ATP2B1: variants seen among roughly 807,000 people sequenced by gnomAD.
ATP2B1 encodes the protein ATPase plasma membrane Ca2+ transporting 1, also known as plasma membrane calcium-transporting ATPase 1.
A neutral mutation model predicts 124.2 loss-of-function variants in ATP2B1; 14 were observed. That is an observed-to-expected ratio of 0.11 (90% CI 0.07 to 0.18). The LOEUF (loss-of-function observed/expected upper bound fraction) is 0.18. Among genes scored for constraint, ATP2B1 ranks in the 10% least tolerant of loss-of-function variants. The pLI, the probability that ATP2B1 is intolerant of heterozygous loss-of-function variation, is 1.00. For synonymous variants in ATP2B1, 449 were observed against 492.4 expected (o/e 0.91, Z 1.17); for missense variants, 763 against 1,466.1 (o/e 0.52, Z 7.83).
chr12:89,630,757 ATAT>A, intron 5 of ATP2B1, 112 bp from the exon 6 acceptor site: 1 of 261,644 alleles, frequency 3.8e-6, no homozygotes, highest in Non-Finnish European at 6.8e-6. Context: ...TTAGGAAAAA[ATAT>A]ATATAAATAT....
chr12:89,708,398 A>G (rs894644814), intron 1 of ATP2B1, among the ~76,000 whole-genome samples, 198 bp downstream of exon 1: 1 of 152,068 alleles, frequency 6.6e-6, no homozygotes, highest in Non-Finnish European at 1.5e-5. Context: ...GCTCACCTTC[A>G]CAATCTCCCG....
intron 1 of ATP2B1, among the ~76,000 whole-genome samples, chr12:89,685,748 T>G (rs1889892518): frequency 6.6e-6 from 1 of 152,130 alleles, no homozygotes; most frequent in South Asian, 2.1e-4. Context: ...TGTTAAAGCC[T>G]TAAATTCCAA....
intron 15 of ATP2B1, among the ~76,000 whole-genome samples, chr12:89,605,496 T>C (rs1368964623): frequency 6.6e-6 from 1 of 152,146 alleles, no homozygotes; most frequent in Non-Finnish European, 1.5e-5. Flanking sequence ...TCCCATGACA[T>C]GACACAGCAT....
intron 1 of ATP2B1, among the ~76,000 whole-genome samples, chr12:89,662,924 T>C (rs1282975447): frequency 2.6e-5 from 4 of 152,114 alleles, no homozygotes; most frequent in Non-Finnish European, 5.9e-5. Flanking sequence ...TAGATTAGAA[T>C]AAGGAAGGCA....
intron 1 of ATP2B1, among the ~76,000 whole-genome samples, chr12:89,679,611 T>G (rs576029144): frequency 6.6e-6 from 1 of 152,236 alleles, no homozygotes; most frequent in East Asian, 1.9e-4. Context: ...AAACTTCAAA[T>G]TACCTGTAAG....
intron 12 of ATP2B1, among the ~76,000 whole-genome samples, chr12:89,612,929 A>G (rs552722882): frequency 2.0e-5 from 3 of 152,314 alleles, no homozygotes; most frequent in East Asian, 3.9e-4. Context: ...GCTGAATTAA[A>G]TATCTTTGGG....
chr12:89,624,201 T>G lies in ATP2B1; in HGVS notation c.1326A>C (p.Ser442=). 2 of 1,613,702 alleles carry G rather than the reference T, an allele frequency of 1.2e-6. No individual in the cohort carries two copies. The highest frequency in any genetic ancestry group is 1.7e-6 in the Non-Finnish European group (2 of 1,179,646). ...PEGLPLAVTI[S]LAYSVKKMMK... is the part of the protein sequence containing the mutation. ...TACTTACTTTGACTGAATAAGCCAG[T>G]GAGATCGTGACTGCAAGTGGAAGAC... The change falls in exon 9 of 21, where the codon TCA becomes TCC. Residue 442 remains serine, a synonymous_variant. Coordinates refer to ENST00000428670, the MANE Select transcript of ATP2B1 (RefSeq NM_001366521.1).
At position 89,589,801 on chromosome 12, in the gene ATP2B1, G is replaced by A. The variant is rs890778741; in HGVS notation, c.*1183C>T. On this transcript the variant is annotated 3_prime_UTR_variant, in exon 21 of 21. Transcript: ENST00000428670. ...ATGTCTTTTAAAAAAACATTGCCAT[G>A]AATTTATTTAATAAAAGGGCATATT... The A allele has an allele frequency of 6.6e-6, 1 of 152,070 alleles. No individual in the cohort carries two copies. The highest frequency in any genetic ancestry group is 1.5e-5 in the Non-Finnish European group (1 of 67,988). 9.4% of individuals were successfully genotyped at this position (152,070 alleles called of 1,614,324 possible).
chr12:89,603,687 G>A lies in ATP2B1; in HGVS notation c.2848+25C>T. 2 of 1,593,866 alleles carry A rather than the reference G, an allele frequency of 1.3e-6. No homozygotes were observed. Among genetic ancestry groups the A allele is most frequent in the Non-Finnish European group, 1.7e-6 (2 of 1,162,072 alleles). ...CTTGGAAAAGAAACAATTAACTGAA[G>A]CTTTATTAGACACTGAATTCTTACC... On this transcript the variant is annotated intron_variant, in intron 17 of 20. Transcript: ENST00000428670. The surrounding 1 kb of genome is among the most constrained non-coding windows in gnomAD (Gnocchi z 4.3).
At chr12:89,601,456 A>G (rs1875823496) in intron 18 of ATP2B1, 23 bp from the exon 19 acceptor site, 12 of 1,432,780 alleles carry the variant, frequency 8.4e-6, no homozygotes, top group Non-Finnish European at 1.1e-5. Flanking sequence ...TCAAGAGTAA[A>G]TTTACTTAAA....
chr12:89,655,717 T>C lies in ATP2B1; in HGVS notation c.170A>G (p.Tyr57Cys), dbSNP rs771984069. 110 of 1,614,068 alleles carry C rather than the reference T, an allele frequency of 6.8e-5. No individual in the cohort carries two copies. Among genetic ancestry groups the C allele is most frequent in the Non-Finnish European group, 8.5e-5 (100 of 1,180,016 alleles). Residue 57 changes from tyrosine to cysteine, a missense_variant, in exon 2 of 21, where the codon TAT becomes TGT. Coordinates refer to ENST00000428670, the MANE Select transcript of ATP2B1 (RefSeq NM_001366521.1). ...RKIQESYGDV[Y>C]GICTKLKTSP... ...TGTTTTCAATTTGGTGCAAATTCCATAGACATCTCCATAGCTTTCCTGTAT... is the reference window on the plus strand; with the variant it reads ...TGTTTTCAATTTGGTGCAAATTCCACAGACATCTCCATAGCTTTCCTGTAT...
At chr12:89,643,178 A>G (rs1176320984) in intron 2 of ATP2B1, among the ~76,000 whole-genome samples, 3 of 150,704 alleles carry the variant, frequency 2.0e-5, no homozygotes, top group Non-Finnish European at 3.0e-5. Flanking sequence ...GTATATATGT[A>G]TATGTATGTA....
rs145037037 is a variant in ATP2B1, at chr12:89,596,845, C to A, written c.3351+2272G>T. On this transcript the variant is annotated intron_variant, in intron 20 of 20. Coordinates refer to ENST00000428670, the MANE Select transcript of ATP2B1 (RefSeq NM_001366521.1). ...ATACTTACTTTCCATTTCAGCTTCC[C>A]TTAGTTTATTACTCTTTCAGTACCA... is the stretch of plus-strand genomic sequence containing the variant. Among the ~76,000 whole-genome samples the A allele has an allele frequency of 3.0e-3, 459 of 152,108 alleles. 8 individuals are homozygous for A. The highest frequency in any genetic ancestry group is 0.012 in the East Asian group (63 of 5,182).
At chr12:89,654,745 A>G (rs899139065) in intron 2 of ATP2B1, among the ~76,000 whole-genome samples, 2 of 152,146 alleles carry the variant, frequency 1.3e-5, no homozygotes, top group African/African-American at 4.8e-5. Context: ...ATGGCATAAA[A>G]TGTTTCAGGA....
At chr12:89,642,835 C>T (rs1883773831) in intron 2 of ATP2B1, among the ~76,000 whole-genome samples, 1 of 151,004 alleles carries the variant, frequency 6.6e-6, no homozygotes. Context: ...GAACTCCTGA[C>T]CTAAGGTGAT....
chr12:89,628,110 C>T (rs1042105633), intron 6 of ATP2B1, among the ~76,000 whole-genome samples: 4 of 151,878 alleles, frequency 2.6e-5, no homozygotes, highest in Non-Finnish European at 2.9e-5. Flanking sequence ...TGTTATAAAA[C>T]GACAACGGGC....
chr12:89,635,341 A>T lies in ATP2B1; in HGVS notation c.407-90T>A. On this transcript the variant is annotated intron_variant, in intron 3 of 20. Transcript: ENST00000428670. ...ACGTCTAAATCATATTTTTGTGTTA[A>T]TTATGTTTATCAATTTTACTTATAG... 5 of 1,401,270 alleles carry T rather than the reference A, an allele frequency of 3.6e-6. No individual in the cohort carries two copies. The East Asian group carries it at 1.2e-4, about 34-fold the overall frequency. The allele number at this position is 1,401,270 out of a possible 1,614,324, so 86.8% of individuals were successfully genotyped here. A position where few individuals can be genotyped will look rare whatever the true frequency, so the allele number is the denominator to read the frequency against.
At chr12:89,699,117 G>T (rs549387939) in intron 1 of ATP2B1, among the ~76,000 whole-genome samples, 1 of 152,132 alleles carries the variant, frequency 6.6e-6, no homozygotes, top group Admixed American at 6.5e-5. Context: ...CCAGCTTTGA[G>T]CTCTCAGGGA....
chr12:89,677,159 CCTTT>C (rs1258621700), intron 1 of ATP2B1, among the ~76,000 whole-genome samples: 2 of 152,152 alleles, frequency 1.3e-5, no homozygotes, highest in South Asian at 2.1e-4. Flanking sequence ...ACAGAAGCTT[CCTTT>C]GTCACTGCCA....
Sources: allele counts gnomAD v4.1 joint callset (sites outside exome capture counted in the v4.1 genomes callset), GRCh38; gene constraint gnomAD v4.1.1; non-coding constraint Gnocchi (gnomAD v3.1); transcripts MANE v1.5; gene names NCBI Gene and HGNC (gene_info 2026-07-23, HGNC 2026-07-21).